Variants in ADAMTS3 observed in about 807,000 individuals in gnomAD.
The protein encoded by ADAMTS3 is ADAM metallopeptidase with thrombospondin type 1 motif 3.
ADAMTS3 carries 73 observed loss-of-function variants against 129.0 expected under a neutral mutation model. The ratio of observed to expected loss-of-function variants is 0.57; its 90% CI spans 0.47 to 0.69. ADAMTS3 has a LOEUF of 0.69. ADAMTS3 is among the 30% of genes least tolerant of loss of function. The probability of loss-of-function intolerance (pLI) is 0.00; values close to 1 mark genes in which losing one functional copy is unlikely to be tolerated. For missense variants in ADAMTS3, 1,457 were observed against 1,514.5 expected (o/e 0.96, Z 0.63); for synonymous variants, 477 against 510.8 (o/e 0.93, Z 0.89).
At chr4:72,367,664 C>T (rs1165813324) in intron 4 of ADAMTS3, among the ~76,000 whole-genome samples, 1 of 152,070 alleles carries the variant, frequency 6.6e-6, no homozygotes, top group Non-Finnish European at 1.5e-5. Flanking sequence ...TCCTGGCTAA[C>T]ATGGTGAAAC....
At chr4:72,476,340 T>A (rs1560530461) in intron 3 of ADAMTS3, among the ~76,000 whole-genome samples, 1 of 151,884 alleles carries the variant, frequency 6.6e-6, no homozygotes, top group Non-Finnish European at 1.5e-5. Context: ...CAATGAAAAA[T>A]TCCATCAATA....
At chr4:72,559,792 T>C (rs1412607029) in intron 2 of ADAMTS3, among the ~76,000 whole-genome samples, 4 of 151,844 alleles carry the variant, frequency 2.6e-5, no homozygotes, top group Non-Finnish European at 5.9e-5. Flanking sequence ...GATTCAATGC[T>C]ATTCCCATTA....
chr4:72,478,948 T>C (rs1719331772), intron 3 of ADAMTS3, among the ~76,000 whole-genome samples: 1 of 151,930 alleles, frequency 6.6e-6, no homozygotes, highest in South Asian at 2.1e-4. Context: ...TCACAATTGC[T>C]TCAAAGAGAA....
intron 3 of ADAMTS3, among the ~76,000 whole-genome samples, chr4:72,529,358 C>T (rs574122843): frequency 3.7e-3 from 563 of 152,062 alleles, no homozygotes; most frequent in Middle Eastern, 0.02. Context: ...TACAGACTTA[C>T]TGAGTCAGAA....
At chr4:72,461,790 C>A (rs1185186377) in intron 3 of ADAMTS3, among the ~76,000 whole-genome samples, 1 of 151,840 alleles carries the variant, frequency 6.6e-6, no homozygotes, top group Non-Finnish European at 1.5e-5. Flanking sequence ...TTGCTACATG[C>A]AATTCAGTTT....
intron 20 of ADAMTS3, 31 bp downstream of exon 20, chr4:72,290,824 A>T (rs957994703): frequency 1.3e-6 from 2 of 1,598,650 alleles, no homozygotes; most frequent in Non-Finnish European, 1.7e-6. Flanking sequence ...CACACACTTT[A>T]CTTATGCATG....
At chr4:72,414,224 G>T (rs1262905540) in intron 4 of ADAMTS3, among the ~76,000 whole-genome samples, 1 of 151,468 alleles carries the variant, frequency 6.6e-6, no homozygotes, top group Non-Finnish European at 1.5e-5. Context: ...TTACTTTCAG[G>T]TTTCATTTAA....
chr4:72,431,474 T>C (rs2109946745), intron 3 of ADAMTS3, among the ~76,000 whole-genome samples: 1 of 152,136 alleles, frequency 6.6e-6, no homozygotes, highest in South Asian at 2.1e-4. Flanking sequence ...TAAAAAGTTC[T>C]ACACCTGCCC....
chr4:72,489,105 G>A (rs1000153762), intron 3 of ADAMTS3, among the ~76,000 whole-genome samples: 6 of 151,916 alleles, frequency 3.9e-5, no homozygotes, highest in African/African-American at 1.4e-4. Context: ...ACAAATGGCA[G>A]GATTTCCTTC....
At chr4:72,408,509 G>A (rs1229698289) in intron 4 of ADAMTS3, among the ~76,000 whole-genome samples, 1 of 151,858 alleles carries the variant, frequency 6.6e-6, no homozygotes, top group Non-Finnish European at 1.5e-5. Flanking sequence ...ATCCAGCAAG[G>A]AAAATAAAAC....
intron 3 of ADAMTS3, among the ~76,000 whole-genome samples, chr4:72,540,474 G>A (rs1276778065): frequency 2.0e-5 from 3 of 152,210 alleles, no homozygotes; most frequent in Non-Finnish European, 4.4e-5. Context: ...TTTCTGAGAA[G>A]AAATTCAAGC....
chr4:72,435,253 C>T (rs556622270), intron 3 of ADAMTS3, among the ~76,000 whole-genome samples: 9 of 151,828 alleles, frequency 5.9e-5, no homozygotes, highest in African/African-American at 2.2e-4. Flanking sequence ...GGAATATGTG[C>T]CTTTTTAGGC....
chr4:72,346,429 A>G (rs1288447670), intron 4 of ADAMTS3, among the ~76,000 whole-genome samples: 1 of 152,038 alleles, frequency 6.6e-6, no homozygotes, highest in African/African-American at 2.4e-5. Context: ...TTCTATTATA[A>G]TTTGTCTAGA....
chr4:72,319,851 G>A lies in ADAMTS3; in HGVS notation c.1208+7C>T. On this transcript the variant is annotated splice_region_variant and intron_variant, in intron 8 of 21. Coordinates refer to ENST00000286657, the MANE Select transcript of ADAMTS3 (RefSeq NM_014243.3). ...TTTTGGCTTTATAGCTGTCAGCAGTGACTTACACATGGCCCGTTTCATGGG... is the reference window on the plus strand; with the variant it reads ...TTTTGGCTTTATAGCTGTCAGCAGTAACTTACACATGGCCCGTTTCATGGG... 6.2e-7 allele frequency: 1 copy of A among 1,606,280 alleles called. No individual in the cohort carries two copies. Among genetic ancestry groups the A allele is most frequent in the Non-Finnish European group, 8.5e-7 (1 of 1,173,040 alleles).
chr4:72,307,483 C>T (rs1181769194), intron 15 of ADAMTS3, among the ~76,000 whole-genome samples: 1 of 151,990 alleles, frequency 6.6e-6, no homozygotes, highest in Non-Finnish European at 1.5e-5. Context: ...AAAGTGAAAG[C>T]GCCTCTTGTC....
chr4:72,426,734 A>C (rs1722584359), intron 3 of ADAMTS3, among the ~76,000 whole-genome samples: 1 of 152,008 alleles, frequency 6.6e-6, no homozygotes, highest in African/African-American at 2.4e-5. Flanking sequence ...AAAATAAACA[A>C]ATAAATTATC....
intron 3 of ADAMTS3, among the ~76,000 whole-genome samples, chr4:72,418,439 T>A (rs1722364762): frequency 6.6e-6 from 1 of 152,172 alleles, no homozygotes; most frequent in African/African-American, 2.4e-5. Flanking sequence ...AAGCTCAGGA[T>A]GGTTTTGGAT....
At chr4:72,498,173 G>C (rs1344514775) in intron 3 of ADAMTS3, among the ~76,000 whole-genome samples, 2 of 151,980 alleles carry the variant, frequency 1.3e-5, no homozygotes, top group Admixed American at 1.3e-4. Flanking sequence ...ATATATTGAG[G>C]CTGGCAATAT....
At chr4:72,459,461 A>G (rs1379706304) in intron 3 of ADAMTS3, among the ~76,000 whole-genome samples, 1 of 151,658 alleles carries the variant, frequency 6.6e-6, no homozygotes, top group Non-Finnish European at 1.5e-5. Flanking sequence ...TTAGCATAGA[A>G]TCATGATTAA....
Sources: allele counts gnomAD v4.1 joint callset (sites outside exome capture counted in the v4.1 genomes callset), GRCh38; gene constraint gnomAD v4.1.1; transcripts MANE v1.5; gene names NCBI Gene and HGNC (gene_info 2026-07-23, HGNC 2026-07-21).